AGBL4: variants seen among roughly 807,000 people sequenced by gnomAD.
The protein encoded by AGBL4 is AGBL carboxypeptidase 4.
AGBL4 carries 58 observed loss-of-function variants against 66.4 expected under a neutral mutation model. The observed-to-expected ratio is 0.87, with a 90% CI of 0.71 to 1.09. The LOEUF (loss-of-function observed/expected upper bound fraction) is 1.09, where lower values mean the gene tolerates loss of function less well. Among genes scored for constraint, AGBL4 ranks in the 50% least tolerant of loss-of-function variants. The pLI is 0.00. For synonymous variants in AGBL4, 234 were observed against 222.9 expected, an observed-to-expected ratio of 1.05 and a Z score of -0.44; for missense variants, 579 against 631.0, an observed-to-expected ratio of 0.92 and a Z score of 0.88.
At chr1:49,806,232 TG>T (rs1644974585) in intron 2 of AGBL4, among the ~76,000 whole-genome samples, 1 of 152,200 alleles carries the variant, frequency 6.6e-6, no homozygotes. Flanking sequence ...GAAATATGGA[TG>T]GCAAAGGTCA....
At chr1:49,763,967 G>A (rs1315192037) in intron 2 of AGBL4, among the ~76,000 whole-genome samples, 1 of 152,094 alleles carries the variant, frequency 6.6e-6, no homozygotes, top group Non-Finnish European at 1.5e-5. Context: ...TGCTGGCTTG[G>A]GCTCCCAGTG....
intron 5 of AGBL4, among the ~76,000 whole-genome samples, chr1:49,011,321 C>T: frequency 6.6e-6 from 1 of 151,834 alleles, no homozygotes; most frequent in Non-Finnish European, 1.5e-5. Flanking sequence ...CAAATCAAAA[C>T]CACAATGAGA....
chr1:49,278,937 G>A (rs1644224445), intron 3 of AGBL4, among the ~76,000 whole-genome samples: 1 of 152,066 alleles, frequency 6.6e-6, no homozygotes, highest in Non-Finnish European at 1.5e-5. Flanking sequence ...CATCACTAAT[G>A]CAATGCTCAA....
chr1:48,742,611 T>A, intron 6 of AGBL4: 2 of 1,540,622 alleles, frequency 1.3e-6, no homozygotes, highest in Non-Finnish European at 1.8e-6. Context: ...GATATTGAGC[T>A]TAAAACACTA....
chr1:49,861,542 C>T (rs768203723), intron 1 of AGBL4, among the ~76,000 whole-genome samples: 2 of 152,048 alleles, frequency 1.3e-5, no homozygotes, highest in African/African-American at 4.8e-5. Flanking sequence ...TGTAGAGGAG[C>T]ACCACCTTGA....
intron 2 of AGBL4, among the ~76,000 whole-genome samples, chr1:49,741,376 CAATAACAGGCTCTG>C (rs1650451685): frequency 6.6e-6 from 1 of 152,072 alleles, no homozygotes; most frequent in Non-Finnish European, 1.5e-5. Context: ...CTGAATAGAC[CAATAACAGGCTCTG>C]AAATTGAGGC....
At chr1:49,319,837 AC>A (rs887131601) in intron 3 of AGBL4, among the ~76,000 whole-genome samples, 24 of 152,316 alleles carry the variant, frequency 1.6e-4, no homozygotes, top group African/African-American at 5.8e-4. Context: ...CCATAAGGGC[AC>A]CAATCTCATT....
At chr1:49,132,257 G>T (rs1645914572) in intron 4 of AGBL4, among the ~76,000 whole-genome samples, 1 of 151,924 alleles carries the variant, frequency 6.6e-6, no homozygotes, top group African/African-American at 2.4e-5. Flanking sequence ...GTCATTGTTG[G>T]CCTATACAGA....
At chr1:49,891,105 G>A (rs1170125334) in intron 1 of AGBL4, among the ~76,000 whole-genome samples, 1 of 152,134 alleles carries the variant, frequency 6.6e-6, no homozygotes, top group Non-Finnish European at 1.5e-5. Context: ...TTTCTGTGAA[G>A]ATCTAGGCAA....
chr1:48,544,699 T>A (rs1644130702), intron 11 of AGBL4, among the ~76,000 whole-genome samples: 1 of 152,168 alleles, frequency 6.6e-6, no homozygotes, highest in African/African-American at 2.4e-5. Context: ...AGCCTCCATG[T>A]GAGCAGTCTG....
intron 3 of AGBL4, among the ~76,000 whole-genome samples, chr1:49,271,930 CAA>C (rs1171912423): frequency 3.3e-5 from 5 of 151,998 alleles, no homozygotes; most frequent in African/African-American, 1.2e-4. Flanking sequence ...TTGAGGGTAC[CAA>C]AAGTTACTTC....
intron 6 of AGBL4, among the ~76,000 whole-genome samples, chr1:48,716,635 C>G (rs1312547540): frequency 6.6e-6 from 1 of 152,158 alleles, no homozygotes; most frequent in Non-Finnish European, 1.5e-5. Flanking sequence ...TTGTAAGTAC[C>G]TGAGCAATCA....
chr1:49,143,903 T>C (rs1646165590), intron 4 of AGBL4, among the ~76,000 whole-genome samples: 1 of 152,224 alleles, frequency 6.6e-6, no homozygotes, highest in South Asian at 2.1e-4. Flanking sequence ...CAGACTGAGC[T>C]GGTTCTCTAG....
chr1:49,786,940 C>T (rs1345569022), intron 2 of AGBL4, among the ~76,000 whole-genome samples: 1 of 152,152 alleles, frequency 6.6e-6, no homozygotes, highest in Non-Finnish European at 1.5e-5. Context: ...CCTCTTTCAT[C>T]AAGTTTCCAA....
intron 3 of AGBL4, among the ~76,000 whole-genome samples, chr1:49,360,178 A>T (rs1390194598): frequency 6.6e-6 from 1 of 152,200 alleles, no homozygotes; most frequent in East Asian, 1.9e-4. Flanking sequence ...TAAAGATCCT[A>T]GCAGAGTGGA....
intron 5 of AGBL4, among the ~76,000 whole-genome samples, chr1:48,938,333 T>G (rs1314318806): frequency 6.6e-6 from 1 of 152,144 alleles, no homozygotes; most frequent in Admixed American, 6.5e-5. Flanking sequence ...ATATGATCCC[T>G]GCCATCACGG....
At chr1:49,491,069 C>T (rs537638325) in intron 3 of AGBL4, among the ~76,000 whole-genome samples, 2 of 151,864 alleles carry the variant, frequency 1.3e-5, no homozygotes, top group South Asian at 2.1e-4. Flanking sequence ...CAGTACTCCA[C>T]ACAAAGTAGA....
At chr1:49,422,204 T>C (rs1645561573) in intron 3 of AGBL4, among the ~76,000 whole-genome samples, 1 of 152,196 alleles carries the variant, frequency 6.6e-6, no homozygotes, top group Admixed American at 6.5e-5. Context: ...TCCAATCATT[T>C]TTACATTAAC....
chr1:48,948,960 T>G (rs892031084), intron 5 of AGBL4, among the ~76,000 whole-genome samples: 12 of 152,178 alleles, frequency 7.9e-5, no homozygotes, highest in Non-Finnish European at 1.6e-4. Context: ...ACTCACTCTG[T>G]GTTACAGTAT....
Sources: allele counts gnomAD v4.1 joint callset (sites outside exome capture counted in the v4.1 genomes callset), GRCh38; gene constraint gnomAD v4.1.1; transcripts MANE v1.5; gene names NCBI Gene and HGNC (gene_info 2026-07-23, HGNC 2026-07-21).